Variants in SEPTIN7 observed in about 807,000 individuals in gnomAD.
SEPTIN7 encodes septin 7.
Under a neutral mutation model 63.3 loss-of-function variants are expected in SEPTIN7, and 10 were observed. The observed-to-expected ratio is 0.16, with a 90% CI of 0.10 to 0.27. The LOEUF (loss-of-function observed/expected upper bound fraction) is 0.27, where lower values mean the gene tolerates loss of function less well. Ranked by LOEUF, SEPTIN7 falls within the 10% of genes least tolerant of loss-of-function variation. The probability of loss-of-function intolerance (pLI) is 1.00; values close to 1 mark genes in which losing one functional copy is unlikely to be tolerated. For synonymous variants in SEPTIN7, 131 were observed against 165.3 expected, an observed-to-expected ratio of 0.79 and a Z score of 1.59; for missense variants, 310 against 521.0, an observed-to-expected ratio of 0.59 and a Z score of 3.94.
chr7:35,891,636 TCAGTGAGTGTG>T (rs1787651828), intron 11 of SEPTIN7, among the ~76,000 whole-genome samples: 1 of 152,172 alleles, frequency 6.6e-6, no homozygotes, highest in African/African-American at 2.4e-5. Flanking sequence ...TCTGGATGAG[TCAGTGAGTGTG>T]CAGTGAGTGA....
At chr7:35,891,163 C>T (rs1787616169) in intron 11 of SEPTIN7, among the ~76,000 whole-genome samples, 1 of 152,100 alleles carries the variant, frequency 6.6e-6, no homozygotes, top group African/African-American at 2.4e-5. Flanking sequence ...TAGCTTTGCC[C>T]TGTTGAGCTT....
At chr7:35,856,260 C>A (rs1357511803) in intron 3 of SEPTIN7, among the ~76,000 whole-genome samples, 1 of 152,204 alleles carries the variant, frequency 6.6e-6, no homozygotes, top group African/African-American at 2.4e-5. Flanking sequence ...AGATTGGCTT[C>A]TTTCGCTCAC....
chr7:35,886,298 A>C (rs1317697816), intron 10 of SEPTIN7, among the ~76,000 whole-genome samples: 1 of 152,222 alleles, frequency 6.6e-6, no homozygotes, highest in African/African-American at 2.4e-5. Flanking sequence ...CATTTTATGT[A>C]CTGGAACATA....
intron 3 of SEPTIN7, among the ~76,000 whole-genome samples, chr7:35,860,814 G>A (rs553569963): frequency 6.6e-6 from 1 of 152,276 alleles, no homozygotes; most frequent in South Asian, 2.1e-4. Flanking sequence ...AATCGTGTTG[G>A]TATTGGTTGT....
Position 35,832,824 on chromosome 7 carries a change from G to C in SEPTIN7, c.93G>C (p.Val31=). The change falls in exon 3 of 14, where the codon GTG becomes GTC. Residue 31 remains valine, a synonymous_variant. Transcript: ENST00000350320. ...VAQQKNLEGY[V]GFANLPNQVY... ...AACAGAAGAACCTTGAAGGCTATGT[G>C]GGATTTGCCAATCTCCCAAATCAAG... 4 of 1,610,666 alleles carry C rather than the reference G, an allele frequency of 2.5e-6. No homozygotes were observed. The highest frequency in any genetic ancestry group is 3.4e-6 in the Non-Finnish European group (4 of 1,177,166).
chr7:35,803,730 CT>C (rs569322319), intron 1 of SEPTIN7, among the ~76,000 whole-genome samples: 334 of 152,144 alleles, frequency 2.2e-3, no homozygotes, highest in Non-Finnish European at 3.6e-3. Context: ...TTGTATACTT[CT>C]TTTTTTGTAC....
chr7:35,862,967 G>A (rs1195568940), intron 3 of SEPTIN7, among the ~76,000 whole-genome samples: 2 of 151,964 alleles, frequency 1.3e-5, no homozygotes, highest in Non-Finnish European at 2.9e-5. Flanking sequence ...CTCCTACCTC[G>A]AGTAGAAGCA....
chr7:35,912,189 A>G, the SEPTIN7 span, among the ~76,000 whole-genome samples: 1 of 152,238 alleles, frequency 6.6e-6, no homozygotes, highest in Non-Finnish European at 1.5e-5. Context: ...TCTCTGCAGC[A>G]CTGTGACATG....
chr7:35,885,923 CTAAG>C, intron 10 of SEPTIN7, 44 bp downstream of exon 10: 1 of 1,381,150 alleles, frequency 7.2e-7, no homozygotes, highest in Non-Finnish European at 1.0e-6. Context: ...TTTTCTTTCC[CTAAG>C]TAAGAGTTGG....
rs188722175 is a variant in SEPTIN7, at chr7:35,873,630, G to A, written c.378-11G>A. On this transcript the variant is annotated splice_polypyrimidine_tract_variant and intron_variant, in intron 5 of 13. Transcript: ENST00000350320. ...GAATTGCAGCTTGTTTTGTTTATTT[G>A]CGTTCTATAGCTGGCAGCCTGTTAT... 4.9e-4 allele frequency: 790 copies of A among 1,602,934 alleles called. 5 individuals carry two copies. The African/African-American group carries it at 9.5e-3, about 19-fold the overall frequency.
intron 1 of SEPTIN7, among the ~76,000 whole-genome samples, chr7:35,830,205 A>G (rs1322830155): frequency 1.3e-5 from 2 of 152,088 alleles, no homozygotes; most frequent in African/African-American, 4.8e-5. Flanking sequence ...ACTATTCCAA[A>G]TAAAAAAAGC....
downstream of SEPTIN7, among the ~76,000 whole-genome samples, chr7:35,910,330 A>G (rs557108263): frequency 5.9e-4 from 90 of 152,362 alleles, no homozygotes; most frequent in African/African-American, 2.1e-3. Flanking sequence ...AAACCCATTT[A>G]GCTGACTTTC....
chr7:35,817,812 T>C (rs1789172459), intron 1 of SEPTIN7, among the ~76,000 whole-genome samples: 1 of 152,016 alleles, frequency 6.6e-6, no homozygotes, highest in African/African-American at 2.4e-5. Context: ...TGGAATTTTT[T>C]CTTAATTTTT....
At chr7:35,832,576 C>T in intron 2 of SEPTIN7, 1 of 365,022 alleles carries the variant, frequency 2.7e-6, no homozygotes. Context: ...ATTTCATTCC[C>T]TTGGATTTTT....
intron 8 of SEPTIN7, 55 bp downstream of exon 8, chr7:35,882,631 A>G (rs1786958307): frequency 4.7e-6 from 6 of 1,270,660 alleles, no homozygotes; most frequent in Non-Finnish European, 6.0e-6. Context: ...AAAACATACT[A>G]CAGCGTCCAC....
intron 1 of SEPTIN7, among the ~76,000 whole-genome samples, chr7:35,820,663 C>T (rs1789358106): frequency 6.6e-6 from 1 of 152,100 alleles, no homozygotes; most frequent in South Asian, 2.1e-4. Context: ...TTGAACATAT[C>T]TAAAATAGCA....
intron 2 of SEPTIN7, chr7:35,832,210 C>T (rs956615353): frequency 1.3e-5 from 5 of 390,732 alleles, no homozygotes; most frequent in Non-Finnish European, 2.0e-5. Flanking sequence ...CATGTGAAAC[C>T]TTGAAGTGAC....
At position 35,873,707 on chromosome 7, in the gene SEPTIN7, G is replaced by T; in HGVS notation, c.444G>T (p.Val148=). ...FEDYLNAESR[V]NRRQMPDNRV... ...ACTACCTAAATGCAGAATCACGAGT[G>T]AACAGACGTCAGATGCCTGATAACA... is the stretch of plus-strand genomic sequence containing the variant. The change falls in exon 6 of 14, where the codon GTG becomes GTT. Residue 148 remains valine, a synonymous_variant. Transcript: ENST00000350320. The T allele has an allele frequency of 6.2e-7, 1 of 1,610,954 alleles. No individual in the cohort carries two copies. Among genetic ancestry groups the T allele is most frequent in the Non-Finnish European group, 8.5e-7 (1 of 1,179,164 alleles).
At chr7:35,806,414 G>C (rs1392151619) in intron 1 of SEPTIN7, among the ~76,000 whole-genome samples, 1 of 152,142 alleles carries the variant, frequency 6.6e-6, no homozygotes, top group African/African-American at 2.4e-5. Context: ...GTCAACCATG[G>C]CTTGGAGTTA....
Sources: allele counts gnomAD v4.1 joint callset (sites outside exome capture counted in the v4.1 genomes callset), GRCh38; gene constraint gnomAD v4.1.1; transcripts MANE v1.5; gene names NCBI Gene and HGNC (gene_info 2026-07-23, HGNC 2026-07-21).